Variants in TRPM3 observed in about 807,000 individuals in gnomAD.
The protein encoded by TRPM3 is long transient receptor potential channel 3.
TRPM3 carries 77 observed loss-of-function variants against 181.2 expected under a neutral mutation model. The ratio of observed to expected loss-of-function variants is 0.42; its 90% CI spans 0.35 to 0.51. The LOEUF (loss-of-function observed/expected upper bound fraction) is 0.51. TRPM3 is among the 20% of genes least tolerant of loss of function. TRPM3 has a pLI of 0.01. For synonymous variants in TRPM3, 745 were observed against 796.4 expected (o/e 0.94, Z 1.09); for missense variants, 1,759 against 2,196.7 (o/e 0.80, Z 3.98).
At chr9:70,941,067 T>C (rs2096881264) in intron 1 of TRPM3, among the ~76,000 whole-genome samples, 1 of 152,204 alleles carries the variant, frequency 6.6e-6, no homozygotes, top group South Asian at 2.1e-4. Context: ...TGTGTGATGG[T>C]TAATACTGAT....
intron 12 of TRPM3, among the ~76,000 whole-genome samples, chr9:70,633,902 T>A (rs1372621351): frequency 1.3e-5 from 2 of 152,152 alleles, no homozygotes; most frequent in African/African-American, 4.8e-5. Flanking sequence ...TATGGGCACA[T>A]AGGTAAGGGG....
chr9:70,909,534 G>A (rs1280746509), intron 1 of TRPM3, among the ~76,000 whole-genome samples: 1 of 152,022 alleles, frequency 6.6e-6, no homozygotes, highest in African/African-American at 2.4e-5. Flanking sequence ...AGAGGCAACA[G>A]CATTGGAAGG....
At chr9:70,633,524 C>G (rs2066291190) in intron 12 of TRPM3, among the ~76,000 whole-genome samples, 1 of 152,120 alleles carries the variant, frequency 6.6e-6, no homozygotes, top group Non-Finnish European at 1.5e-5. Context: ...GCTTCACCCA[C>G]TCAAGTAGAT....
intron 1 of TRPM3, among the ~76,000 whole-genome samples, chr9:71,147,711 T>G (rs2075500719): frequency 6.6e-6 from 1 of 152,290 alleles, no homozygotes; most frequent in East Asian, 1.9e-4. Context: ...CATAACAGAC[T>G]GAAGAAGTAA....
intron 1 of TRPM3, among the ~76,000 whole-genome samples, chr9:71,222,476 G>A (rs2080299436): frequency 1.3e-5 from 2 of 152,192 alleles, no homozygotes; most frequent in Admixed American, 1.3e-4. Flanking sequence ...AATGAACACA[G>A]AAGTGCTTGT....
intron 1 of TRPM3, among the ~76,000 whole-genome samples, chr9:71,104,538 C>T (rs746026290): frequency 6.6e-6 from 1 of 152,170 alleles, no homozygotes; most frequent in Admixed American, 6.5e-5. Context: ...CAACCTGTCT[C>T]AATCACAAAT....
At chr9:70,873,025 G>A (rs1329456912) in intron 1 of TRPM3, among the ~76,000 whole-genome samples, 1 of 151,772 alleles carries the variant, frequency 6.6e-6, no homozygotes, top group Non-Finnish European at 1.5e-5. Flanking sequence ...AAATACTAGT[G>A]CTTGAAGATA....
Position 71,309,590 on chromosome 9 carries a change from A to G in TRPM3, c.183+137063T>C, listed in dbSNP as rs576098221. Among the ~76,000 whole-genome samples, 27 of 152,198 alleles carry G rather than the reference A, an allele frequency of 1.8e-4. No individual in the cohort carries two copies. The South Asian group carries it at 5.4e-3, about 30-fold the overall frequency. On this transcript the variant is annotated intron_variant, in intron 1 of 24. Transcript: ENST00000357533. The stretch of plus-strand genomic sequence containing the variant: ...GTTTCTCATTCTAGGGTTTTTAGCT[A>G]TTTTCTTGCTCTTACAATTTTGGTG...
At chr9:70,845,735 T>C (rs141939950) in intron 4 of TRPM3, among the ~76,000 whole-genome samples, 111 of 152,226 alleles carry the variant, frequency 7.3e-4, no homozygotes, top group African/African-American at 2.5e-3. Flanking sequence ...TTTACAGGCA[T>C]CCATTCCATT....
intron 1 of TRPM3, among the ~76,000 whole-genome samples, chr9:71,321,466 A>G (rs920294262): frequency 6.6e-6 from 1 of 152,170 alleles, no homozygotes; most frequent in Non-Finnish European, 1.5e-5. Context: ...AAAATCAGCA[A>G]CATGAAACTA....
intron 25 of TRPM3, among the ~76,000 whole-genome samples, chr9:70,540,101 G>T (rs2042891718): frequency 6.6e-6 from 1 of 152,190 alleles, no homozygotes; most frequent in African/African-American, 2.4e-5. Flanking sequence ...GCCTCCCAAA[G>T]TGCTGGTATT....
intron 22 of TRPM3, among the ~76,000 whole-genome samples, chr9:70,583,730 T>A (rs1264039097): frequency 6.6e-6 from 1 of 152,176 alleles, no homozygotes; most frequent in Non-Finnish European, 1.5e-5. Flanking sequence ...GTTACTCTTC[T>A]CTATTACACA....
intron 1 of TRPM3, among the ~76,000 whole-genome samples, chr9:71,282,373 A>G (rs1425553403): frequency 1.5e-5 from 2 of 134,396 alleles, no homozygotes; most frequent in Non-Finnish European, 1.6e-5. Flanking sequence ...GAAAGAATGA[A>G]AGAAAGAAAG....
rs144745971 is a variant in TRPM3, at chr9:70,751,584, C to T, written c.1272+10017G>A. Among the ~76,000 whole-genome samples, 899 of 151,714 alleles carry T rather than the reference C, an allele frequency of 5.9e-3. 9 individuals carry two copies. The highest frequency in any genetic ancestry group is 0.02 in the African/African-American group (835 of 41,326). ...CATTATGGATGAAAGTAATGAGAAACGTAAGGAAAAGAGGAGGAGAAACAG... is the reference window on the plus strand; with the variant it reads ...CATTATGGATGAAAGTAATGAGAAATGTAAGGAAAAGAGGAGGAGAAACAG... On this transcript the variant is annotated intron_variant, in intron 8 of 25. Transcript: ENST00000677713.
chr9:70,974,148 C>T (rs2097274122), intron 1 of TRPM3, among the ~76,000 whole-genome samples: 1 of 152,136 alleles, frequency 6.6e-6, no homozygotes, highest in Non-Finnish European at 1.5e-5. Flanking sequence ...AGTAAACTTA[C>T]TGAAGCATTA....
chr9:70,540,521 TGATGCACCAAAA>T (rs1230765200), intron 25 of TRPM3, among the ~76,000 whole-genome samples: 2 of 152,042 alleles, frequency 1.3e-5, no homozygotes, highest in Non-Finnish European at 2.9e-5. Context: ...GAGGCAGAGC[TGATGCACCAAAA>T]ACACGTAACA....
At chr9:70,615,248 A>G (rs1589336865) in intron 18 of TRPM3, among the ~76,000 whole-genome samples, 1 of 152,170 alleles carries the variant, frequency 6.6e-6, no homozygotes, top group East Asian at 1.9e-4. Context: ...ATGACTTCCA[A>G]GCTATGAAGC....
intron 1 of TRPM3, among the ~76,000 whole-genome samples, chr9:71,297,151 G>A (rs111240721): frequency 9.9e-5 from 15 of 151,902 alleles, no homozygotes; most frequent in Admixed American, 2.6e-4. Flanking sequence ...ACCACCACAC[G>A]CGGTTAATTA....
rs772098600 is a variant in TRPM3, at chr9:70,681,613, A to AT, written c.1273-36dup. On this transcript the variant is annotated intron_variant, in intron 8 of 25. Coordinates refer to ENST00000677713, the MANE Select transcript of TRPM3 (RefSeq NM_001366145.2). ...GAGACAAGGTGATCATTAGCAAAGC[A>AT]TTTTTCCCCCAAGAGAAATTAAATC... 6.4e-5 allele frequency: 101 copies of AT among 1,581,990 alleles called. 1 individual carries two copies. Among genetic ancestry groups the AT allele is most frequent in the Non-Finnish European group, 8.8e-5 (101 of 1,151,102 alleles).
Sources: gnomAD v4.1 joint callset for allele counts (sites outside exome capture counted in the v4.1 genomes callset) on GRCh38, gnomAD v4.1.1 for gene constraint, MANE v1.5 for transcripts, NCBI Gene and HGNC (gene_info 2026-07-23, HGNC 2026-07-21) for gene names.